BRD2: variants seen among roughly 807,000 people sequenced by gnomAD.
BRD2 encodes bromodomain containing 2.
In BRD2, 15 loss-of-function variants were observed where a neutral mutation model predicts 79.1. That is an observed-to-expected ratio of 0.19 (90% CI 0.13 to 0.29). BRD2 has a LOEUF of 0.29. Among genes scored for constraint, BRD2 ranks in the 10% least tolerant of loss-of-function variants. The pLI is 1.00. For synonymous variants in BRD2, 488 were observed against 358.6 expected (o/e 1.36, Z -4.08); for missense variants, 1,053 against 991.3 (o/e 1.06, Z -0.84).
chr6:32,973,177 G>A, intron 2 of BRD2: 2 of 1,535,978 alleles, frequency 1.3e-6, no homozygotes, highest in South Asian at 1.2e-5. Flanking sequence ...AGTCTTAACC[G>A]AGTCAGGCAG....
rs1212845044 is a variant in BRD2 at position 32,981,411 on chromosome 6, GGCAATA to G, written c.*696_*701del. ...GGGAAATATTACTGCAGTGAGAAAA[GGCAATA>G]GCTAACCTATAATTGGATTGTCTTA... On this transcript the variant is annotated 3_prime_UTR_variant, in exon 13 of 13. Coordinates refer to ENST00000374825, the MANE Select transcript of BRD2 (RefSeq NM_005104.4). 6.6e-5 allele frequency: 10 copies of G among 152,182 alleles called. No individual in the cohort carries two copies. The highest frequency in any genetic ancestry group is 2.2e-4 in the African/African-American group (9 of 41,420). 9.4% of individuals were successfully genotyped at this position (152,182 alleles called of 1,614,324 possible). A position where few individuals can be genotyped will look rare whatever the true frequency, so the allele number is the denominator to read the frequency against.
rs1442491628 is a variant in BRD2, at chr6:32,972,507, C to T, written c.-392C>T. On this transcript the variant is annotated 5_prime_UTR_variant, in exon 2 of 13. Transcript: ENST00000374825. ...CTTTTCGTGTTCATCCGCCTCCATC[C>T]GAGATCGAAACGGGACCTCGTCGGC... 16 of 330,864 alleles carry T rather than the reference C, an allele frequency of 4.8e-5. No individual in the cohort carries two copies. The highest frequency in any genetic ancestry group is 7.9e-5 in the Non-Finnish European group (14 of 177,470). The allele number at this position is 330,864 out of a possible 1,614,324, so 20.5% of individuals were successfully genotyped here. A position where few individuals can be genotyped will look rare whatever the true frequency, so the allele number is the denominator to read the frequency against.
At position 32,971,999 on chromosome 6, in the gene BRD2, A is replaced by G; in HGVS notation, c.-900A>G. On this transcript the variant is annotated 5_prime_UTR_variant, in exon 2 of 13. Coordinates refer to ENST00000374825, the MANE Select transcript of BRD2 (RefSeq NM_005104.4). ...TGACACCTTGGAAATGAAGTTTATG[A>G]CGTCATCGTTGCGGCTGGCCAATAG... 1 of 702,162 alleles carries G rather than the reference A, an allele frequency of 1.4e-6. No individual in the cohort carries two copies. Among genetic ancestry groups the G allele is most frequent in the Non-Finnish European group, 2.6e-6 (1 of 384,838 alleles). 43.5% of individuals were successfully genotyped at this position (702,162 alleles called of 1,614,324 possible). A position where few individuals can be genotyped will look rare whatever the true frequency, so the allele number is the denominator to read the frequency against.
chr6:32,980,753 G>C lies in BRD2; in HGVS notation c.*35G>C, dbSNP rs1188225554. 3.7e-6 allele frequency: 6 copies of C among 1,610,420 alleles called. No homozygotes were observed. The highest frequency in any genetic ancestry group is 5.1e-6 in the Non-Finnish European group (6 of 1,179,588). On this transcript the variant is annotated 3_prime_UTR_variant, in exon 13 of 13. Transcript: ENST00000374825. Reference sequence around the variant, plus strand: ...CCAGATGGGGCAGGAAGGCTCCGCAGGACCGGACCCCTAGACCACCCTGCC... The same window carrying C: ...CCAGATGGGGCAGGAAGGCTCCGCACGACCGGACCCCTAGACCACCCTGCC...
In BRD2 at chr6:32,969,514, C is replaced by T. The variant is rs116809857; in HGVS notation, c.-1305+458C>T. Among the ~76,000 whole-genome samples the T allele has an allele frequency of 9.8e-3, 1,496 of 152,318 alleles. 15 individuals are homozygous for T. Among genetic ancestry groups the T allele is most frequent in the Middle Eastern group, 0.051 (15 of 294 alleles). Reference sequence around the variant, plus strand: ...GCGCCAACTTCCTTTCTCCCCAGAGCCTCTGGAGGGAGCATTGCTGTGCGC... The same window carrying T: ...GCGCCAACTTCCTTTCTCCCCAGAGTCTCTGGAGGGAGCATTGCTGTGCGC... On this transcript the variant is annotated intron_variant, in intron 1 of 12. Transcript: ENST00000374825.
At chr6:32,979,707 T>C in intron 10 of BRD2, 121 bp from the exon 11 acceptor site, 3 of 1,215,288 alleles carry the variant, frequency 2.5e-6, no homozygotes, top group South Asian at 1.6e-5. Flanking sequence ...TACTTGGCCA[T>C]TGAATGGAAA....
intron 2 of BRD2, chr6:32,973,252 TCTAGCGGCGG>T (rs1254867193): frequency 1.2e-5 from 14 of 1,174,628 alleles, no homozygotes; most frequent in Non-Finnish European, 1.7e-5. Context: ...GGGTCTGGTA[TCTAGCGGCGG>T]TCTGTTAGCC....
intron 2 of BRD2, among the ~76,000 whole-genome samples, chr6:32,974,041 T>C (rs557826602): frequency 4.5e-4 from 68 of 152,284 alleles, no homozygotes; most frequent in African/African-American, 1.6e-3. Flanking sequence ...CTTTTCCTCC[T>C]TACCGGCGCT....
In BRD2 at chr6:32,979,913, A is replaced by C; in HGVS notation, c.1927A>C (p.Ser643Arg). ...SEEEEESRPMSYDEKRQLSLD... is the reference protein window; with the variant it reads ...SEEEEESRPMRYDEKRQLSLD... ...GGAGGAGGAAGAGAGCAGGCCCATGAGTTACGATGAGAAGCGGCAGCTGAG... is the reference window on the plus strand; with the variant it reads ...GGAGGAGGAAGAGAGCAGGCCCATGCGTTACGATGAGAAGCGGCAGCTGAG... The change falls in exon 11 of 13, where the codon AGT (serine) becomes CGT (arginine). Residue 643 changes from serine to arginine, a missense_variant. Ser to Arg is a moderately radical substitution (Grantham distance 110). Around this residue, in one of 5 missense-constraint regions of BRD2, gnomAD observed 44 missense variants for 73.7 expected, o/e 0.60. Coordinates refer to ENST00000374825, the MANE Select transcript of BRD2 (RefSeq NM_005104.4). 1 of 1,613,214 alleles carries C rather than the reference A, an allele frequency of 6.2e-7. No homozygotes were observed. Among genetic ancestry groups the C allele is most frequent in the South Asian group, 1.1e-5 (1 of 91,078 alleles).
chr6:32,978,492 C>A (rs985909304), intron 10 of BRD2, 104 bp downstream of exon 10: 10 of 1,520,482 alleles, frequency 6.6e-6, no homozygotes, highest in Admixed American at 2.2e-5. Context: ...TTAACAGATA[C>A]AATAGGCTTT....
At chr6:32,973,560 C>T (rs1165111361) in intron 2 of BRD2, among the ~76,000 whole-genome samples, 1 of 152,106 alleles carries the variant, frequency 6.6e-6, no homozygotes, top group Non-Finnish European at 1.5e-5. Flanking sequence ...GCGATGTAAA[C>T]AATGAGATTC....
At position 32,977,805 on chromosome 6, in the gene BRD2, C is replaced by G; in HGVS notation, c.1378C>G (p.Pro460Ala). The change falls in exon 9 of 13, where the codon CCA becomes GCA. Residue 460 changes from proline to alanine, a missense_variant. Pro to Ala is a conservative substitution (Grantham distance 27). Around this residue, in one of 5 missense-constraint regions of BRD2, gnomAD observed 454 missense variants for 430.5 expected, o/e 1.05. Coordinates refer to ENST00000374825, the MANE Select transcript of BRD2 (RefSeq NM_005104.4). ...YAKMPDEPLEPGPLPVSTAMP... is the reference protein window; with the variant it reads ...YAKMPDEPLEAGPLPVSTAMP... Reference sequence around the variant, plus strand: ...CAAGATGCCAGATGAACCACTAGAACCAGGGCCTTTACCAGTCTCTACTGC... The same window carrying G: ...CAAGATGCCAGATGAACCACTAGAAGCAGGGCCTTTACCAGTCTCTACTGC... 1.2e-6 allele frequency: 2 copies of G among 1,613,118 alleles called. No homozygotes were observed. Among genetic ancestry groups the G allele is most frequent in the Non-Finnish European group, 1.7e-6 (2 of 1,180,032 alleles).
chr6:32,976,549 T>C lies in BRD2; in HGVS notation c.826-13T>C, dbSNP rs756761647. ...TTGGAGTGACAGGTTCCCTATCTTGTTTCTTTCTGCAGAAAAAAGGCGTAA... is the reference window on the plus strand; with the variant it reads ...TTGGAGTGACAGGTTCCCTATCTTGCTTCTTTCTGCAGAAAAAAGGCGTAA... On this transcript the variant is annotated splice_polypyrimidine_tract_variant and intron_variant, in intron 6 of 12. Coordinates refer to ENST00000374825, the MANE Select transcript of BRD2 (RefSeq NM_005104.4). 2.5e-6 allele frequency: 4 copies of C among 1,591,342 alleles called. No individual in the cohort carries two copies. The highest frequency in any genetic ancestry group is 1.3e-5 in the African/African-American group (1 of 74,566).
In BRD2 at chr6:32,971,694, C is replaced by T. The variant is rs1379120855; in HGVS notation, c.-1205C>T. The T allele has an allele frequency of 3.8e-6, 2 of 519,878 alleles. No homozygotes were observed. Among genetic ancestry groups the T allele is most frequent in the Non-Finnish European group, 6.8e-6 (2 of 295,432 alleles). The allele number at this position is 519,878 out of a possible 1,614,324, so 32.2% of individuals were successfully genotyped here. A position where few individuals can be genotyped will look rare whatever the true frequency, so the allele number is the denominator to read the frequency against. ...TCAGGCAGGCTACGCCCACGCGACC[C>T]CTCCCGTTTCCCTGCTTTGGCCAAT... On this transcript the variant is annotated 5_prime_UTR_variant, in exon 2 of 13. Transcript: ENST00000374825.
At chr6:32,975,326 T>G in intron 3 of BRD2, 58 bp from the exon 4 acceptor site, 1 of 1,394,604 alleles carries the variant, frequency 7.2e-7, no homozygotes, top group Non-Finnish European at 9.9e-7. Context: ...CGGGGATCGG[T>G]AGTCTCCCTA....
intron 3 of BRD2, 132 bp downstream of exon 3, chr6:32,974,897 C>T (rs1020959334): frequency 7.2e-7 from 1 of 1,392,582 alleles, no homozygotes; most frequent in Non-Finnish European, 9.7e-7. Flanking sequence ...AGTTAGCTAC[C>T]AGATTTCTGG....
chr6:32,979,658 G>C, intron 10 of BRD2, 170 bp from the exon 11 acceptor site: 1 of 708,748 alleles, frequency 1.4e-6, no homozygotes, highest in Non-Finnish European at 2.3e-6. Flanking sequence ...CGAGCAAAAT[G>C]CTCTGTTTCA....
In BRD2 at chr6:32,978,331, G is replaced by A. The variant is rs1779056833; in HGVS notation, c.1784G>A (p.Gly595Asp). 10 of 1,613,078 alleles carry A rather than the reference G, an allele frequency of 6.2e-6. No individual in the cohort carries two copies. The highest frequency in any genetic ancestry group is 1.1e-5 in the South Asian group (1 of 91,084). ...KKSKKASGSG[G>D]GSAALGPSGF... ...TCCAAGAAAGCAAGTGGCAGTGGGG[G>A]TGGCAGTGCTGCTTTAGGCCCTTCT... Residue 595 changes from glycine to aspartate, a missense_variant, in exon 10 of 13, where the codon GGT becomes GAT. Around this residue, in one of 5 missense-constraint regions of BRD2, gnomAD observed 454 missense variants for 430.5 expected, o/e 1.05. Coordinates refer to ENST00000374825, the MANE Select transcript of BRD2 (RefSeq NM_005104.4).
chr6:32,979,692 C>T, intron 10 of BRD2, 136 bp from the exon 11 acceptor site: 1 of 1,020,400 alleles, frequency 9.8e-7, no homozygotes, highest in African/African-American at 1.6e-5. Flanking sequence ...CAGTAGCCCA[C>T]CTCTTACTTG....
Sources: allele counts gnomAD v4.1 joint callset (sites outside exome capture counted in the v4.1 genomes callset), GRCh38; gene constraint gnomAD v4.1.1; regional missense constraint gnomAD v4.1.1; transcripts MANE v1.5; gene names NCBI Gene and HGNC (gene_info 2026-07-23, HGNC 2026-07-21).